The following LHX4 variants were observed in gnomAD, a reference collection of about 807,000 sequenced individuals.
LHX4 encodes LIM homeobox 4, also known as LIM/homeobox protein Lhx4.
A neutral mutation model predicts 39.2 loss-of-function variants in LHX4; 16 were observed. The observed-to-expected ratio is 0.41, with a 90% CI of 0.28 to 0.62. The LOEUF is 0.62. LHX4 is among the 20% of genes least tolerant of loss of function. LHX4 has a pLI of 0.33. For synonymous variants in LHX4, 206 were observed against 198.1 expected, an observed-to-expected ratio of 1.04 and a Z score of -0.33; for missense variants, 439 against 511.9, an observed-to-expected ratio of 0.86 and a Z score of 1.37.
chr1:180,274,330 T>G lies in LHX4; in HGVS notation c.924T>G (p.Tyr308Ter), dbSNP rs146655496. The G allele has an allele frequency of 6.2e-7, 1 of 1,614,098 alleles. No homozygotes were observed. Among genetic ancestry groups the G allele is most frequent in the African/African-American group, 1.3e-5 (1 of 74,944 alleles). ...SYQDLRDGSP[Y>*]GIPQSPSSIS... Reference sequence around the variant, plus strand: ...AGGACTTGAGGGATGGGAGCCCCTATGGAATCCCCCAGTCTCCATCCTCCA... The same window carrying G: ...AGGACTTGAGGGATGGGAGCCCCTAGGGAATCCCCCAGTCTCCATCCTCCA... The change falls in exon 6 of 6, where the codon TAT becomes TAG. Residue 308 changes from tyrosine (Y) to a stop codon, truncating the protein, a stop_gained. Coordinates refer to ENST00000263726, the MANE Select transcript of LHX4 (RefSeq NM_033343.4). LOFTEE classifies it high-confidence loss of function.
intron 2 of LHX4, among the ~76,000 whole-genome samples, chr1:180,252,983 CT>C (rs5779055): frequency 0.54 from 81,977 of 151,890 alleles, 23,103 homozygotes; most frequent in African/African-American, 0.71. Context: ...CTTGGCTCTC[CT>C]TTTTTCCAAA....
At chr1:180,231,575 C>T (rs2149250783) in intron 1 of LHX4, among the ~76,000 whole-genome samples, 1 of 146,456 alleles carries the variant, frequency 6.8e-6, no homozygotes, top group South Asian at 2.2e-4. Context: ...CGCGCGCGCG[C>T]GCGACAAGCG....
intron 2 of LHX4, among the ~76,000 whole-genome samples, chr1:180,254,265 A>AAGGC (rs1201102911): frequency 6.6e-6 from 1 of 152,218 alleles, no homozygotes; most frequent in Non-Finnish European, 1.5e-5. Flanking sequence ...CTCACAAGGC[A>AAGGC]AGGCAGGCAG....
intron 1 of LHX4, among the ~76,000 whole-genome samples, chr1:180,231,333 G>T (rs944504499): frequency 1.3e-5 from 2 of 151,946 alleles, no homozygotes; most frequent in African/African-American, 2.4e-5. Flanking sequence ...AGAGACGGGG[G>T]TGTGTGGGAG....
intron 2 of LHX4, among the ~76,000 whole-genome samples, chr1:180,264,949 C>T (rs1324650112): frequency 6.6e-6 from 1 of 152,186 alleles, no homozygotes; most frequent in Non-Finnish European, 1.5e-5. Context: ...TAGAGAACCC[C>T]CACTTTTCTC....
intron 2 of LHX4, among the ~76,000 whole-genome samples, chr1:180,255,219 A>C (rs1647796268): frequency 6.6e-6 from 1 of 152,216 alleles, no homozygotes; most frequent in Admixed American, 6.5e-5. Flanking sequence ...AGGCAGCCTC[A>C]GTTCTGGGGT....
chr1:180,232,036 A>G lies in LHX4; in HGVS notation c.76+1431A>G, dbSNP rs1191775222. Among the ~76,000 whole-genome samples, 1 of 152,152 alleles carries G rather than the reference A, an allele frequency of 6.6e-6. No homozygotes were observed. Among genetic ancestry groups the G allele is most frequent in the African/African-American group, 2.4e-5 (1 of 41,434 alleles). Reference sequence around the variant, plus strand: ...GTTGAGCCTTGGGGAGTTTACCGCTAAGATGTTTTCATAGAAGGCATTGGA... The same window carrying G: ...GTTGAGCCTTGGGGAGTTTACCGCTGAGATGTTTTCATAGAAGGCATTGGA... On this transcript the variant is annotated intron_variant, in intron 1 of 5. Coordinates refer to ENST00000263726, the MANE Select transcript of LHX4 (RefSeq NM_033343.4). This position sits in a 1 kb window ranked among gnomAD's most constrained non-coding sequence, Gnocchi z 5.4.
intron 1 of LHX4, among the ~76,000 whole-genome samples, chr1:180,243,076 C>A (rs993427253): frequency 6.6e-6 from 1 of 152,140 alleles, no homozygotes; most frequent in Admixed American, 6.5e-5. Flanking sequence ...GCAATTTCCA[C>A]CTCCTGGGTT....
rs1196691055 is a variant in LHX4 at position 180,232,405 on chromosome 1, C to T, written c.76+1800C>T. On this transcript the variant is annotated intron_variant, in intron 1 of 5. Coordinates refer to ENST00000263726, the MANE Select transcript of LHX4 (RefSeq NM_033343.4). This position sits in a 1 kb window ranked among gnomAD's most constrained non-coding sequence, Gnocchi z 5.4. Reference sequence around the variant, plus strand: ...CCTGTTCAGAGACAACTTTGATGTTCGACGTCAGGGAGTCGCTTTGCTAAA... The same window carrying T: ...CCTGTTCAGAGACAACTTTGATGTTTGACGTCAGGGAGTCGCTTTGCTAAA... Among the ~76,000 whole-genome samples the T allele has an allele frequency of 6.6e-6, 1 of 152,140 alleles. No individual in the cohort carries two copies. Among genetic ancestry groups the T allele is most frequent in the East Asian group, 1.9e-4 (1 of 5,194 alleles).
At chr1:180,268,321 T>C (rs960837258) in intron 3 of LHX4, among the ~76,000 whole-genome samples, 15 of 152,174 alleles carry the variant, frequency 9.9e-5, no homozygotes, top group Admixed American at 2.6e-4. Context: ...CACTCTCAGC[T>C]CAGCATCTCC....
rs1054998257 is a variant in LHX4 at position 180,277,458 on chromosome 1, T to A, written c.*2879T>A. On this transcript the variant is annotated 3_prime_UTR_variant, in exon 6 of 6. Transcript: ENST00000263726. ...TCTGCAGTGCCTGGCTGGTCGACTT[T>A]AGAGTAGGAAGCTCTTGAATCCAGG... 44 of 152,334 alleles carry A rather than the reference T, an allele frequency of 2.9e-4. No individual in the cohort carries two copies. Among genetic ancestry groups the A allele is most frequent in the African/African-American group, 1.0e-3 (42 of 41,564 alleles). 9.4% of individuals were successfully genotyped at this position (152,334 alleles called of 1,614,324 possible).
At position 180,230,355 on chromosome 1, in the gene LHX4, G is replaced by A. The variant is rs902919973; in HGVS notation, c.-175G>A. 70 of 650,744 alleles carry A rather than the reference G, an allele frequency of 1.1e-4. No homozygotes were observed. Among genetic ancestry groups the A allele is most frequent in the African/African-American group, 8.2e-4 (46 of 56,074 alleles). 40.3% of individuals were successfully genotyped at this position (650,744 alleles called of 1,614,324 possible). ...TGGAAACAGACTGGGGACTGGCGGGGGGAGGGGGCCGGCCAGCCTGTGGAG... is the reference window on the plus strand; with the variant it reads ...TGGAAACAGACTGGGGACTGGCGGGAGGAGGGGGCCGGCCAGCCTGTGGAG... On this transcript the variant is annotated 5_prime_UTR_variant, in exon 1 of 6. Coordinates refer to ENST00000263726, the MANE Select transcript of LHX4 (RefSeq NM_033343.4). The surrounding 1 kb of genome is among the most constrained non-coding windows in gnomAD (Gnocchi z 5.8).
intron 4 of LHX4, 99 bp downstream of exon 4, chr1:180,271,633 G>C (rs1648666606): frequency 6.7e-7 from 1 of 1,487,290 alleles, no homozygotes; most frequent in Non-Finnish European, 9.3e-7. Flanking sequence ...GTTGGGCTCA[G>C]GGCTTGACCC....
At chr1:180,260,044 A>G (rs1345223781) in intron 2 of LHX4, among the ~76,000 whole-genome samples, 1 of 151,562 alleles carries the variant, frequency 6.6e-6, no homozygotes, top group African/African-American at 2.4e-5. Flanking sequence ...GCAGTCACCA[A>G]GGGTGTGGTG....
At chr1:180,259,949 G>T (rs560294210) in intron 2 of LHX4, among the ~76,000 whole-genome samples, 5 of 151,600 alleles carry the variant, frequency 3.3e-5, no homozygotes, top group African/African-American at 1.2e-4. Flanking sequence ...GGGAGTGAGC[G>T]GTGGGAGGGA....
chr1:180,267,143 G>C (rs1648351437), intron 3 of LHX4, among the ~76,000 whole-genome samples: 1 of 152,218 alleles, frequency 6.6e-6, no homozygotes, highest in Non-Finnish European at 1.5e-5. Context: ...TGGAGTTTCT[G>C]CAAGTGCCCA....
Position 180,275,036 on chromosome 1 carries a change from A to C in LHX4, c.*457A>C, listed in dbSNP as rs966159990. 1.7e-4 allele frequency: 26 copies of C among 156,712 alleles called. No homozygotes were observed. Among genetic ancestry groups the C allele is most frequent in the African/African-American group, 6.2e-4 (26 of 41,656 alleles). 9.7% of individuals were successfully genotyped at this position (156,712 alleles called of 1,614,324 possible). A position where few individuals can be genotyped will look rare whatever the true frequency, so the allele number is the denominator to read the frequency against. The stretch of plus-strand genomic sequence containing the variant: ...CCTCACAGCCCTTGAGTAAAATAAA[A>C]GTGATTTCTGGACCATCCTTATTGA... On this transcript the variant is annotated 3_prime_UTR_variant, in exon 6 of 6. Coordinates refer to ENST00000263726, the MANE Select transcript of LHX4 (RefSeq NM_033343.4).
intron 3 of LHX4, among the ~76,000 whole-genome samples, chr1:180,267,542 T>C (rs994104351): frequency 2.0e-5 from 3 of 152,210 alleles, no homozygotes; most frequent in African/African-American, 7.2e-5. Flanking sequence ...ACCCACATGG[T>C]CGTGGGGTCA....
upstream of LHX4, among the ~76,000 whole-genome samples, chr1:180,229,615 G>A (rs1025752142): frequency 6.6e-6 from 1 of 152,118 alleles, no homozygotes; most frequent in South Asian, 2.1e-4. Context: ...ATTGGCCAGG[G>A]GAAAGAGGAG....
Sources: allele counts gnomAD v4.1 joint callset (sites outside exome capture counted in the v4.1 genomes callset), GRCh38; gene constraint gnomAD v4.1.1; non-coding constraint Gnocchi (gnomAD v3.1); transcripts MANE v1.5; gene names NCBI Gene and HGNC (gene_info 2026-07-23, HGNC 2026-07-21).